The following TOP2A variants were observed in gnomAD, a reference collection of about 807,000 sequenced individuals.
TOP2A encodes the protein DNA topoisomerase II alpha.
In TOP2A, 68 loss-of-function variants were observed where a neutral mutation model predicts 187.2. The ratio of observed to expected loss-of-function variants is 0.36; its 90% CI spans 0.30 to 0.44. The LOEUF is 0.44. Ranked by LOEUF, TOP2A falls within the 20% of genes least tolerant of loss-of-function variation. The probability of loss-of-function intolerance (pLI) is 1.00; values close to 1 mark genes in which losing one functional copy is unlikely to be tolerated. For missense variants in TOP2A, 1,196 were observed against 1,808.7 expected (o/e 0.66, Z 6.14); for synonymous variants, 542 against 593.2 (o/e 0.91, Z 1.25).
intron 33 of TOP2A, among the ~76,000 whole-genome samples, chr17:40,390,748 C>G (rs2035013790): frequency 6.6e-6 from 1 of 151,396 alleles, no homozygotes; most frequent in Non-Finnish European, 1.5e-5. Flanking sequence ...CTGTTTCAGC[C>G]TCCCGAGTAG....
chr17:40,412,702 C>A (rs1210202432), intron 7 of TOP2A, 57 bp downstream of exon 7: 5 of 1,413,530 alleles, frequency 3.5e-6, no homozygotes, highest in Non-Finnish European at 4.9e-6. Flanking sequence ...TTCAATTTTG[C>A]ACTTGACAAT....
intron 19 of TOP2A, 27 bp from the exon 20 acceptor site, chr17:40,403,081 C>G (rs2143655299): frequency 6.4e-7 from 1 of 1,571,302 alleles, no homozygotes; most frequent in African/African-American, 1.3e-5. Context: ...ATTCATTAAG[C>G]TGAGGCTTTT....
intron 29 of TOP2A, among the ~76,000 whole-genome samples, chr17:40,393,295 C>G (rs1264612317): frequency 6.6e-6 from 1 of 151,788 alleles, no homozygotes; most frequent in South Asian, 2.1e-4. Context: ...CCACTGTACT[C>G]CAGCCTGGGA....
At position 40,399,047 on chromosome 17, in the gene TOP2A, TG is replaced by T; in HGVS notation, c.3280del (p.Gln1094SerfsTer25). 1 of 1,591,804 alleles carries T rather than the reference TG, an allele frequency of 6.3e-7. No homozygotes were observed. Among genetic ancestry groups the T allele is most frequent in the Non-Finnish European group, 8.6e-7 (1 of 1,167,418 alleles). ...SDPVKAWKEAQQKVPDEEENE... is the reference protein window; with the variant it reads ...SDPVKAWKEAXQKVPDEEENE... ...AGTGCCACCCAAGATTACCTTTTGC[TG>T]GGCTTCTTTCCAGGCCTTCACAGGA... On this transcript the variant is annotated frameshift_variant, in exon 25 of 35. Transcript: ENST00000423485. LOFTEE classifies it high-confidence loss of function.
chr17:40,389,664 C>CAGGTA lies in TOP2A; in HGVS notation c.4468-22_4468-18dup. ...CTTGGATTTCTAAAAGAGAAAAGCC[C>CAGGTA]AGGTAACTTGCACATTGTAAATCTG... On this transcript the variant is annotated splice_polypyrimidine_tract_variant and intron_variant, in intron 34 of 34. Coordinates refer to ENST00000423485, the MANE Select transcript of TOP2A (RefSeq NM_001067.4). The CAGGTA allele has an allele frequency of 6.2e-7, 1 of 1,605,482 alleles. No individual in the cohort carries two copies. Among genetic ancestry groups the CAGGTA allele is most frequent in the Non-Finnish European group, 8.5e-7 (1 of 1,176,360 alleles).
intron 28 of TOP2A, among the ~76,000 whole-genome samples, 199 bp downstream of exon 28, chr17:40,396,084 A>AT (rs2035093796): frequency 6.7e-6 from 1 of 150,144 alleles, no homozygotes; most frequent in Non-Finnish European, 1.5e-5. Context: ...GGTTCAAGCG[A>AT]TTCTTCTGCC....
intron 27 of TOP2A, 33 bp from the exon 28 acceptor site, chr17:40,396,498 T>C (rs2035102436): frequency 2.5e-6 from 4 of 1,590,004 alleles, no homozygotes; most frequent in Admixed American, 1.8e-5. Flanking sequence ...CAAGTTTAAA[T>C]GTTAACAAAA....
intron 19 of TOP2A, 84 bp downstream of exon 19, chr17:40,404,068 A>G: frequency 6.5e-7 from 1 of 1,535,208 alleles, no homozygotes; most frequent in South Asian, 1.2e-5. Flanking sequence ...ATATGAGCTT[A>G]TACTTTCACC....
chr17:40,398,467 G>T (rs988713157), intron 27 of TOP2A, 91 bp downstream of exon 27: 1 of 1,131,510 alleles, frequency 8.8e-7, no homozygotes, highest in Non-Finnish European at 1.2e-6. Context: ...TCTTTTTATT[G>T]CCAATTGTGA....
At position 40,389,983 on chromosome 17, in the gene TOP2A, C is replaced by A; in HGVS notation, c.4449G>T (p.Ser1483=). The A allele has an allele frequency of 6.2e-7, 1 of 1,613,310 alleles. No individual in the cohort carries two copies. Among genetic ancestry groups the A allele is most frequent in the Non-Finnish European group, 8.5e-7 (1 of 1,179,622 alleles). The change falls in exon 34 of 35, where the codon TCG becomes TCT. Residue 1483 remains serine, a synonymous_variant. Coordinates refer to ENST00000423485, the MANE Select transcript of TOP2A (RefSeq NM_001067.4). The part of the protein sequence containing the change: ...DSDSNFEKIV[S]KAVTSKKSKG... ...CACTCACCTTGCTTGTGACTGCTTT[C>A]GAAACAATTTTCTCAAAATTAGAGT... is the stretch of plus-strand genomic sequence containing the variant.
Position 40,404,434 on chromosome 17 carries a change from C to T in TOP2A, c.2104G>A (p.Glu702Lys), listed in dbSNP as rs1442744919. 1 of 1,612,240 alleles carries T rather than the reference C, an allele frequency of 6.2e-7. No individual in the cohort carries two copies. Among genetic ancestry groups the T allele is most frequent in the African/African-American group, 1.3e-5 (1 of 74,874 alleles). The change falls in exon 18 of 35, where the codon GAA becomes AAA. Residue 702 changes from glutamate to lysine, a missense_variant. Coordinates refer to ENST00000423485, the MANE Select transcript of TOP2A (RefSeq NM_001067.4). Reference sequence around the variant, plus strand: ...TCAGAATTTGAGAACAAGATAAGTTCCTTGTTGATGAAGTCATTATATGTC... The same window carrying T: ...TCAGAATTTGAGAACAAGATAAGTTTCTTGTTGATGAAGTCATTATATGTC... ...YLTYNDFINK[E>K]LILFSNSDNE... is the part of the protein sequence containing the mutation.
In TOP2A at chr17:40,407,641, T is replaced by G. The variant is rs1393596717; in HGVS notation, c.1534A>C (p.Lys512Gln). The part of the protein sequence containing the change: ...MENAEINNII[K>Q]IVGLQYKKNY... Reference sequence around the variant, plus strand: ...TTCTTGTACTGAAGACCCACAATCTTGATGATATTGTTAATCTCAGCATTT... The same window carrying G: ...TTCTTGTACTGAAGACCCACAATCTGGATGATATTGTTAATCTCAGCATTT... Residue 512 changes from lysine (K) to glutamine (Q), a missense_variant, in exon 13 of 35, where the codon AAG (lysine) becomes CAG (glutamine). By Grantham distance (53) the Lys-to-Gln change is moderately conservative. Transcript: ENST00000423485. 6.3e-7 allele frequency: 1 copy of G among 1,586,636 alleles called. No individual in the cohort carries two copies. The highest frequency in any genetic ancestry group is 8.5e-7 in the Non-Finnish European group (1 of 1,171,312).
chr17:40,399,102 C>T lies in TOP2A; in HGVS notation c.3226G>A (p.Val1076Ile), dbSNP rs760634848. ...ENKPKKELIK[V>I]LIQRGYDSDP... ...GAATCATATCCCCTCTGAATCAGAA[C>T]TTTAATTAATTCTTTCTTAGGCTTA... The change falls in exon 25 of 35, where the codon GTT (valine) becomes ATT (isoleucine). Residue 1076 changes from valine (V) to isoleucine (I), a missense_variant. By Grantham distance (29) the Val-to-Ile change is conservative (BLOSUM62 3). Coordinates refer to ENST00000423485, the MANE Select transcript of TOP2A (RefSeq NM_001067.4). 26 of 1,570,790 alleles carry T rather than the reference C, an allele frequency of 1.7e-5. No individual in the cohort carries two copies. Among genetic ancestry groups the T allele is most frequent in the Admixed American group, 1.9e-5 (1 of 53,540 alleles).
intron 1 of TOP2A, chr17:40,417,524 C>T (rs1039203757): frequency 1.1e-5 from 15 of 1,418,706 alleles, no homozygotes; most frequent in Non-Finnish European, 1.4e-5. Context: ...ACGGGACCAA[C>T]GGACTCCTGC....
Position 40,411,533 on chromosome 17 carries a change from C to A in TOP2A, c.964-78G>T, listed in dbSNP as rs775200477. The A allele has an allele frequency of 1.7e-5, 26 of 1,557,336 alleles. No individual in the cohort carries two copies. In the African/African-American group the frequency reaches 2.9e-4, roughly 17 times the overall value. ...AATCAAACATTAAAAACTAATTTAA[C>A]CTCCTTTATACTAAGCTAGCCCAAT... is the stretch of plus-strand genomic sequence containing the variant. On this transcript the variant is annotated intron_variant, in intron 8 of 34. Coordinates refer to ENST00000423485, the MANE Select transcript of TOP2A (RefSeq NM_001067.4). This position sits in a 1 kb window ranked among gnomAD's most constrained non-coding sequence, Gnocchi z 4.4.
At chr17:40,394,443 G>A (rs908715720) in intron 29 of TOP2A, among the ~76,000 whole-genome samples, 1 of 152,066 alleles carries the variant, frequency 6.6e-6, no homozygotes, top group Admixed American at 6.6e-5. Flanking sequence ...AGCGACACTC[G>A]TGCCTCAGCC....
Position 40,406,829 on chromosome 17 carries a change from T to A in TOP2A, c.1737+3A>T, listed in dbSNP as rs538356077. On this transcript the variant is annotated splice_donor_region_variant and intron_variant, in intron 14 of 34. Transcript: ENST00000423485. The stretch of plus-strand genomic sequence containing the variant: ...CCATGATGGTACTTAGAAATTAGCG[T>A]ACCTTTACAATGGGAGTGATAAATT... 6.2e-7 allele frequency: 1 copy of A among 1,601,262 alleles called. No individual in the cohort carries two copies. Among genetic ancestry groups the A allele is most frequent in the Admixed American group, 1.7e-5 (1 of 58,002 alleles).
At chr17:40,401,240 G>A (rs1021634969) in intron 20 of TOP2A, among the ~76,000 whole-genome samples, 159 bp from the exon 21 acceptor site, 1 of 152,086 alleles carries the variant, frequency 6.6e-6, no homozygotes, top group African/African-American at 2.4e-5. Flanking sequence ...TATGTGTCAC[G>A]CACATGGACA....
Position 40,400,021 on chromosome 17 carries a change from A to G in TOP2A, c.3047T>C (p.Leu1016Ser). 6.2e-7 allele frequency: 1 copy of G among 1,612,164 alleles called. No individual in the cohort carries two copies. The highest frequency in any genetic ancestry group is 8.5e-7 in the Non-Finnish European group (1 of 1,179,362). ...TTCAAAAAAGTCTCTTAGAATATCC[A>G]ACACCGTGTCATATTTCTTTAAACA... ...VGCLKKYDTV[L>S]DILRDFFELR... The change falls in exon 24 of 35, where the codon TTG (leucine) becomes TCG (serine). Residue 1016 changes from leucine to serine, a missense_variant. This residue lies in a region of TOP2A where 232 missense variants were observed against 306.1 expected (regional missense o/e 0.76). Transcript: ENST00000423485.
Sources: gnomAD v4.1 joint callset for allele counts (sites outside exome capture counted in the v4.1 genomes callset) on GRCh38, gnomAD v4.1.1 for gene constraint, gnomAD v4.1.1 regional missense constraint, Gnocchi (gnomAD v3.1) non-coding constraint, MANE v1.5 for transcripts, NCBI Gene and HGNC (gene_info 2026-07-23, HGNC 2026-07-21) for gene names.